ACOT7: variants seen among roughly 807,000 people sequenced by gnomAD.
ACOT7 encodes the protein cytosolic acyl coenzyme A thioester hydrolase.
In ACOT7, 12 loss-of-function variants were observed where a neutral mutation model predicts 40.2. That is an observed-to-expected ratio of 0.30 (90% CI 0.19 to 0.48). The LOEUF is 0.48. Among genes scored for constraint, ACOT7 ranks in the 20% least tolerant of loss-of-function variants. ACOT7 has a pLI of 0.99. For missense variants in ACOT7, 395 were observed against 530.8 expected, an observed-to-expected ratio of 0.74 and a Z score of 2.51; for synonymous variants, 228 against 219.5, an observed-to-expected ratio of 1.04 and a Z score of -0.34.
chr1:6,379,394 C>T (rs903034374), intron 1 of ACOT7, among the ~76,000 whole-genome samples: 1 of 151,876 alleles, frequency 6.6e-6, no homozygotes, highest in African/African-American at 2.4e-5. Context: ...GGACCCCTAC[C>T]GCACATCACA....
chr1:6,375,330 C>T (rs184903763), intron 1 of ACOT7, among the ~76,000 whole-genome samples: 4 of 151,168 alleles, frequency 2.6e-5, no homozygotes, highest in African/African-American at 4.8e-5. Context: ...AACATATATC[C>T]GATAAACAAC....
chr1:6,288,937 G>C lies in ACOT7; in HGVS notation c.829+5927C>G, dbSNP rs780570095. Among the ~76,000 whole-genome samples, 1 of 152,196 alleles carries C rather than the reference G, an allele frequency of 6.6e-6. No individual in the cohort carries two copies. The highest frequency in any genetic ancestry group is 1.5e-5 in the Non-Finnish European group (1 of 68,048). On this transcript the variant is annotated intron_variant, in intron 7 of 8. Coordinates refer to ENST00000361521, the MANE Select transcript of ACOT7 (RefSeq NM_007274.4). This position sits in a 1 kb window ranked among gnomAD's most constrained non-coding sequence, Gnocchi z 4.3. ...AAGCGAGGGCAAGCCACAGCCACAG[G>C]GCCTGGCACTTGGTCAATATCGCAT... is the stretch of plus-strand genomic sequence containing the variant.
At position 6,282,723 on chromosome 1, in the gene ACOT7, C is replaced by G. The variant is rs1177526663; in HGVS notation, c.830-1437G>C. Reference sequence around the variant, plus strand: ...CATGCTACATTCAACTTCATACTTACAGGGAGCACTTCGTGCCAGTGCTGG... The same window carrying G: ...CATGCTACATTCAACTTCATACTTAGAGGGAGCACTTCGTGCCAGTGCTGG... On this transcript the variant is annotated intron_variant, in intron 7 of 8. Transcript: ENST00000361521. The surrounding 1 kb of genome is among the most constrained non-coding windows in gnomAD (Gnocchi z 4.5). The G allele has an allele frequency of 2.3e-6, 3 of 1,304,072 alleles. No individual in the cohort carries two copies. The highest frequency in any genetic ancestry group is 3.0e-6 in the Non-Finnish European group (3 of 988,798). The allele number at this position is 1,304,072 out of a possible 1,614,324, so 80.8% of individuals were successfully genotyped here.
At chr1:6,339,946 ATTTTTTGT>A (rs1230335744) in intron 2 of ACOT7, among the ~76,000 whole-genome samples, 2 of 141,092 alleles carry the variant, frequency 1.4e-5, no homozygotes, top group South Asian at 2.2e-4. Context: ...CGCCCAGCTA[ATTTTTTGT>A]TTTTTTGTTT....
At chr1:6,364,648 G>T (rs1641961788) in intron 1 of ACOT7, among the ~76,000 whole-genome samples, 1 of 151,476 alleles carries the variant, frequency 6.6e-6, no homozygotes, top group African/African-American at 2.4e-5. Flanking sequence ...AAGAAATCGA[G>T]ACTATCCTGG....
chr1:6,304,975 G>A (rs971930534), intron 6 of ACOT7, among the ~76,000 whole-genome samples: 1 of 149,748 alleles, frequency 6.7e-6, no homozygotes, highest in African/African-American at 2.5e-5. Flanking sequence ...GGGCGGCCGG[G>A]CAGAGGCGCC....
chr1:6,360,635 T>C (rs1456602833), intron 1 of ACOT7: 2 of 1,614,182 alleles, frequency 1.2e-6, no homozygotes, highest in South Asian at 2.2e-5. Context: ...GTGACAAGCT[T>C]CTCCGAAGCA....
chr1:6,325,270 C>T (rs1386403554), intron 5 of ACOT7, among the ~76,000 whole-genome samples: 2 of 151,966 alleles, frequency 1.3e-5, no homozygotes, highest in African/African-American at 4.8e-5. Context: ...TGGTGGCGGG[C>T]GCCTGTAGTC....
At chr1:6,384,637 G>A (rs1203243043) in intron 1 of ACOT7, among the ~76,000 whole-genome samples, 1 of 151,788 alleles carries the variant, frequency 6.6e-6, no homozygotes, top group African/African-American at 2.4e-5. Context: ...CTGCGGTATA[G>A]GAAGGTAAGG....
At chr1:6,305,723 A>G (rs77695901) in intron 6 of ACOT7, among the ~76,000 whole-genome samples, 13 of 146,424 alleles carry the variant, frequency 8.9e-5, no homozygotes, top group East Asian at 4.1e-4. Context: ...CCAGGCAGAG[A>G]GGCTCCTCAC....
chr1:6,303,584 G>A (rs567606564), intron 6 of ACOT7, among the ~76,000 whole-genome samples: 4 of 152,298 alleles, frequency 2.6e-5, no homozygotes, highest in Non-Finnish European at 2.9e-5. Flanking sequence ...TTCTGTGGGC[G>A]GCAATCTGAG....
intron 7 of ACOT7, among the ~76,000 whole-genome samples, chr1:6,293,083 T>G (rs548411209): frequency 5.3e-5 from 8 of 151,900 alleles, no homozygotes; most frequent in Non-Finnish European, 1.2e-4. Flanking sequence ...TAGAGACAGG[T>G]TTTCACCATG....
intron 8 of ACOT7, among the ~76,000 whole-genome samples, chr1:6,271,281 T>C (rs2148366139): frequency 6.6e-6 from 1 of 152,334 alleles, no homozygotes; most frequent in South Asian, 2.1e-4. Context: ...GCTTGTCCTT[T>C]TTGTAATTAA....
Position 6,311,371 on chromosome 1 carries a change from G to A in ACOT7, c.712+7121C>T, listed in dbSNP as rs926240188. On this transcript the variant is annotated intron_variant, in intron 6 of 8. Transcript: ENST00000361521. The surrounding 1 kb of genome is among the most constrained non-coding windows in gnomAD (Gnocchi z 5.2). ...GAACAACCCGGATCATCCCATGGACGAGGGCCCCATGAGGGCCACATCTAG... is the reference window on the plus strand; with the variant it reads ...GAACAACCCGGATCATCCCATGGACAAGGGCCCCATGAGGGCCACATCTAG... Among the ~76,000 whole-genome samples, 5 of 152,188 alleles carry A rather than the reference G, an allele frequency of 3.3e-5. No homozygotes were observed. Among genetic ancestry groups the A allele is most frequent in the African/African-American group, 7.2e-5 (3 of 41,454 alleles).
At chr1:6,341,048 A>T (rs1029742993) in intron 2 of ACOT7, among the ~76,000 whole-genome samples, 4 of 151,606 alleles carry the variant, frequency 2.6e-5, no homozygotes, top group African/African-American at 9.7e-5. Context: ...AAACAACAAC[A>T]ACAACAAAAC....
intron 1 of ACOT7, among the ~76,000 whole-genome samples, chr1:6,364,962 G>A (rs1318065566): frequency 6.6e-6 from 1 of 151,742 alleles, no homozygotes; most frequent in Non-Finnish European, 1.5e-5. Context: ...GGCAGAGGTT[G>A]CAGTGAGCTG....
chr1:6,391,612 C>T (rs1033638311), intron 1 of ACOT7, among the ~76,000 whole-genome samples: 2 of 152,132 alleles, frequency 1.3e-5, no homozygotes, highest in African/African-American at 4.8e-5. Flanking sequence ...CAGCCTTCCA[C>T]GGGAAGATTT....
rs751999317 is a variant in ACOT7, at chr1:6,281,122, G to A, written c.994C>T (p.Leu332=). 1.2e-6 allele frequency: 2 copies of A among 1,613,762 alleles called. No homozygotes were observed. Among genetic ancestry groups the A allele is most frequent in the Non-Finnish European group, 1.7e-6 (2 of 1,180,014 alleles). ...YVSLSQEGRS[L]PVPQLVPETE... is the part of the protein sequence containing the mutation. ...CTCACCACCAGCTGGGGCACAGGCA[G>A]CGACCTGCCTTCCTGGCTCAGCGAC... Residue 332 remains leucine (L), a synonymous_variant, in exon 8 of 9, where the codon CTG becomes TTG. Transcript: ENST00000361521.
chr1:6,383,943 A>G lies in ACOT7; in HGVS notation c.143+9314T>C, dbSNP rs150784676. On this transcript the variant is annotated intron_variant, in intron 1 of 8. Coordinates refer to ENST00000361521, the MANE Select transcript of ACOT7 (RefSeq NM_007274.4). ...ATGGTCTCGATCCCCTGACCTCGTG[A>G]TCCGCCCGCCTCGGCCTCCCAAAGT... Among the ~76,000 whole-genome samples the G allele has an allele frequency of 3.4e-3, 521 of 151,732 alleles. 4 individuals carry two copies. The highest frequency in any genetic ancestry group is 0.012 in the African/African-American group (492 of 41,488).
Sources: allele counts gnomAD v4.1 joint callset (sites outside exome capture counted in the v4.1 genomes callset), GRCh38; gene constraint gnomAD v4.1.1; non-coding constraint Gnocchi (gnomAD v3.1); transcripts MANE v1.5; gene names NCBI Gene and HGNC (gene_info 2026-07-23, HGNC 2026-07-21).